OXGR1: variants seen among roughly 807,000 people sequenced by gnomAD.
OXGR1 encodes the protein oxoglutarate receptor 1.
OXGR1 carries 10 observed loss-of-function variants against 10.0 expected under a neutral mutation model. The ratio of observed to expected loss-of-function variants is 1.00; its 90% confidence interval spans 0.62 to 1.70. OXGR1 has a LOEUF of 1.70. OXGR1 is among the 40% of genes most tolerant of loss of function. OXGR1 has a pLI of 0.00. For missense variants in OXGR1, 398 were observed against 407.6 expected (o/e 0.98, Z 0.20); for synonymous variants, 191 against 155.9 (o/e 1.22, Z -1.68).
intron 1 of OXGR1, among the ~76,000 whole-genome samples, chr13:96,993,968 A>G (rs1882188902): frequency 6.6e-6 from 1 of 151,916 alleles, no homozygotes; most frequent in South Asian, 2.1e-4. Context: ...CACCTCCCAG[A>G]CCCCTCACTT....
At chr13:96,989,334 C>T (rs1302059596) in intron 3 of OXGR1, among the ~76,000 whole-genome samples, 1 of 152,144 alleles carries the variant, frequency 6.6e-6, no homozygotes, top group Non-Finnish European at 1.5e-5. Context: ...CAGAATCAGT[C>T]CTTCTTGACT....
In OXGR1 at chr13:96,989,744, A is replaced by G. The variant is rs140079482; in HGVS notation, c.-75+14T>C. 2.6e-5 allele frequency: 4 copies of G among 152,330 alleles called. No individual in the cohort carries two copies. The highest frequency in any genetic ancestry group is 9.6e-5 in the African/African-American group (4 of 41,568). 9.4% of individuals were successfully genotyped at this position (152,330 alleles called of 1,614,324 possible). On this transcript the variant is annotated intron_variant, in intron 3 of 3. Coordinates refer to ENST00000541038, the MANE Select transcript of OXGR1 (RefSeq NM_001346194.2). ...TGAAGTGCCTGTAATCACAAAGACC[A>G]GTTAGCACATTACCTCTCAGTGCTG...
At chr13:96,994,017 T>G (rs1286785976) in intron 1 of OXGR1, among the ~76,000 whole-genome samples, 1 of 152,184 alleles carries the variant, frequency 6.6e-6, no homozygotes, top group Non-Finnish European at 1.5e-5. Flanking sequence ...CAGAGATCCC[T>G]AACTCCCCCA....
chr13:96,986,670 G>C lies in OXGR1; in HGVS notation c.*76C>G. 1 of 1,429,404 alleles carries C rather than the reference G, an allele frequency of 7.0e-7. No individual in the cohort carries two copies. 88.5% of individuals were successfully genotyped at this position (1,429,404 alleles called of 1,614,324 possible). On this transcript the variant is annotated 3_prime_UTR_variant, in exon 4 of 4. Coordinates refer to ENST00000541038, the MANE Select transcript of OXGR1 (RefSeq NM_001346194.2). The stretch of plus-strand genomic sequence containing the variant: ...GTATTTACCAGGAGTTCCATTGAGG[G>C]AGACATCCTGAACATCTTAGGATGC...
At chr13:96,989,623 G>A (rs1881951319) in intron 3 of OXGR1, 135 bp downstream of exon 3, 1 of 152,312 alleles carries the variant, frequency 6.6e-6, no homozygotes, top group South Asian at 2.1e-4. Context: ...TGTGCTCAAA[G>A]TCAAACCGCT....
intron 2 of OXGR1, among the ~76,000 whole-genome samples, chr13:96,990,946 C>CACAAAAA (rs1882023053): frequency 1.0e-5 from 1 of 97,210 alleles, no homozygotes; most frequent in African/African-American, 4.8e-5. Flanking sequence ...AAGACTCTTT[C>CACAAAAA]AAAAAAAAAA....
At position 96,992,559 on chromosome 13, in the gene OXGR1, G is replaced by C. The variant is rs1365862624; in HGVS notation, c.-264C>G. 1 of 152,166 alleles carries C rather than the reference G, an allele frequency of 6.6e-6. No homozygotes were observed. Among genetic ancestry groups the C allele is most frequent in the Non-Finnish European group, 1.5e-5 (1 of 68,050 alleles). The allele number at this position is 152,166 out of a possible 1,614,324, so 9.4% of individuals were successfully genotyped here. A position where few individuals can be genotyped will look rare whatever the true frequency, so the allele number is the denominator to read the frequency against. Reference sequence around the variant, plus strand: ...AGCACACCCAGGAACCTCACGGATTGGGATTCCAAGATTCTGTGGGTAAAG... The same window carrying C: ...AGCACACCCAGGAACCTCACGGATTCGGATTCCAAGATTCTGTGGGTAAAG... On this transcript the variant is annotated 5_prime_UTR_variant, in exon 2 of 4. Coordinates refer to ENST00000541038, the MANE Select transcript of OXGR1 (RefSeq NM_001346194.2).
At chr13:96,990,649 A>G (rs576643959) in intron 2 of OXGR1, among the ~76,000 whole-genome samples, 1 of 152,274 alleles carries the variant, frequency 6.6e-6, no homozygotes, top group Non-Finnish European at 1.5e-5. Context: ...TCTAAAAAAA[A>G]GCTTGGTTCT....
chr13:96,989,550 A>G (rs562920727), intron 3 of OXGR1, among the ~76,000 whole-genome samples: 71 of 152,336 alleles, frequency 4.7e-4, no homozygotes, highest in African/African-American at 1.5e-3. Context: ...ACAAATGGTG[A>G]GGTAGTGCTG....
At chr13:96,991,186 A>T (rs1302291171) in intron 2 of OXGR1, among the ~76,000 whole-genome samples, 2 of 152,194 alleles carry the variant, frequency 1.3e-5, no homozygotes, top group African/African-American at 2.4e-5. Context: ...GGAGGGGTTG[A>T]CTAGGAAGCT....
intron 2 of OXGR1, among the ~76,000 whole-genome samples, chr13:96,990,756 C>T (rs1369375251): frequency 3.3e-5 from 5 of 151,772 alleles, no homozygotes; most frequent in Non-Finnish European, 7.4e-5. Flanking sequence ...CCTGCCTGGC[C>T]AGCATTGCAA....
Position 96,987,487 on chromosome 13 carries a change from G to T in OXGR1, c.273C>A (p.His91Gln). ...TCCAGTTTTCGCCACTGGCATAGTA[G>T]TGAATCAGGAAGGGGAGGCTGGTCA... ...LYLTSLPFLI[H>Q]YYASGENWIF... The change falls in exon 4 of 4, where the codon CAC becomes CAA. Residue 91 changes from histidine to glutamine, a missense_variant. By Grantham distance (24) the His-to-Gln change is conservative. Coordinates refer to ENST00000541038, the MANE Select transcript of OXGR1 (RefSeq NM_001346194.2). 6.2e-7 allele frequency: 1 copy of T among 1,614,224 alleles called. No homozygotes were observed. The highest frequency in any genetic ancestry group is 2.2e-5 in the East Asian group (1 of 44,882).
chr13:96,989,481 T>C (rs1455876433), intron 3 of OXGR1, among the ~76,000 whole-genome samples: 1 of 152,190 alleles, frequency 6.6e-6, no homozygotes, highest in Non-Finnish European at 1.5e-5. Flanking sequence ...AATAGTGCCT[T>C]CTGTGTACAA....
chr13:96,991,631 G>A (rs1882062928), intron 2 of OXGR1, among the ~76,000 whole-genome samples: 1 of 152,206 alleles, frequency 6.6e-6, no homozygotes, highest in Non-Finnish European at 1.5e-5. Flanking sequence ...TGAAGAAAAA[G>A]CTTATAATTT....
Position 96,993,189 on chromosome 13 carries a change from C to T in OXGR1, c.-277-617G>A, listed in dbSNP as rs190740132. Among the ~76,000 whole-genome samples, 514 of 152,218 alleles carry T rather than the reference C, an allele frequency of 3.4e-3. 2 individuals are homozygous for T. The highest frequency in any genetic ancestry group is 5.4e-3 in the Non-Finnish European group (368 of 68,004). On this transcript the variant is annotated intron_variant, in intron 1 of 3. Transcript: ENST00000541038. ...CTCAAGGCTCTTCCCTCAATCCCCA[C>T]TTTATTGTTTTTTGTTTGTTTGTGT...
intron 1 of OXGR1, among the ~76,000 whole-genome samples, chr13:96,993,077 A>G (rs1882136682): frequency 6.6e-6 from 1 of 152,212 alleles, no homozygotes; most frequent in African/African-American, 2.4e-5. Flanking sequence ...AAAGAGACCA[A>G]TTCTTAAAAC....
At chr13:96,993,810 TG>T (rs1360631714) in intron 1 of OXGR1, among the ~76,000 whole-genome samples, 2 of 19,242 alleles carry the variant, frequency 1.0e-4, no homozygotes, top group African/African-American at 4.4e-4. Flanking sequence ...CCTCGCTTGT[TG>T]GGGGTGGGGG....
rs947372497 is a variant in OXGR1 at position 96,986,831 on chromosome 13, T to G, written c.929A>C (p.Gln310Pro). The change falls in exon 4 of 4, where the codon CAG becomes CCG. Residue 310 changes from glutamine (Q) to proline (P), a missense_variant. Physicochemically the swap from Gln to Pro is moderately conservative, Grantham distance 76. Coordinates refer to ENST00000541038, the MANE Select transcript of OXGR1 (RefSeq NM_001346194.2). ...LLYVVVSDNF[Q>P]QAVCSTVRCK... Reference sequence around the variant, plus strand: ...TCTCACTGTTGAGCAGACAGCCTGCTGAAAGTTGTCGCTGACCACCACATA... The same window carrying G: ...TCTCACTGTTGAGCAGACAGCCTGCGGAAAGTTGTCGCTGACCACCACATA... The G allele has an allele frequency of 6.2e-6, 10 of 1,614,202 alleles. No homozygotes were observed. In the South Asian group the frequency reaches 1.1e-4, roughly 18 times the overall value.
At chr13:96,993,346 G>A (rs960961451) in intron 1 of OXGR1, among the ~76,000 whole-genome samples, 4 of 152,032 alleles carry the variant, frequency 2.6e-5, no homozygotes, top group Admixed American at 1.3e-4. Context: ...CAGCCTCGGA[G>A]TGGCTGGGAT....
Sources: allele counts gnomAD v4.1 joint callset (sites outside exome capture counted in the v4.1 genomes callset), GRCh38; gene constraint gnomAD v4.1.1; transcripts MANE v1.5; gene names NCBI Gene and HGNC (gene_info 2026-07-23, HGNC 2026-07-21).